RASSF8: variants seen among roughly 807,000 people sequenced by gnomAD.
The protein encoded by RASSF8 is Ras association domain family member 8, also known as ras association domain-containing protein 8.
A neutral mutation model predicts 48.5 loss-of-function variants in RASSF8; 22 were observed. The ratio of observed to expected loss-of-function variants is 0.45; its 90% CI spans 0.32 to 0.65. The LOEUF (loss-of-function observed/expected upper bound fraction) is 0.65. Among genes scored for constraint, RASSF8 ranks in the 30% least tolerant of loss-of-function variants. RASSF8 has a pLI of 0.03. For synonymous variants in RASSF8, 127 were observed against 171.5 expected (o/e 0.74, Z 2.03); for missense variants, 418 against 489.2 (o/e 0.85, Z 1.37).
At position 26,070,086 on chromosome 12, in the gene RASSF8, C is replaced by A. The variant is rs1197843585; in HGVS notation, c.*1268C>A. On this transcript the variant is annotated 3_prime_UTR_variant, in exon 6 of 6. Coordinates refer to ENST00000689635, the MANE Select transcript of RASSF8 (RefSeq NM_001394098.1). ...ACAGATTCAGTCAGACACCACTTAGCCATTTTTACATTCCCTCTGGTTAGA... is the reference window on the plus strand; with the variant it reads ...ACAGATTCAGTCAGACACCACTTAGACATTTTTACATTCCCTCTGGTTAGA... The A allele has an allele frequency of 1.0e-6, 1 of 981,172 alleles. No homozygotes were observed. The highest frequency in any genetic ancestry group is 1.1e-4 in the East Asian group (1 of 8,820). The allele number at this position is 981,172 out of a possible 1,614,324, so 60.8% of individuals were successfully genotyped here. A position where few individuals can be genotyped will look rare whatever the true frequency, so the allele number is the denominator to read the frequency against.
At chr12:25,982,192 A>T (rs1048757040) in intron 1 of RASSF8, among the ~76,000 whole-genome samples, 9 of 152,206 alleles carry the variant, frequency 5.9e-5, no homozygotes, top group Non-Finnish European at 1.3e-4. Flanking sequence ...TGAATGAAAA[A>T]GTTTGAAGTT....
chr12:25,973,977 A>C (rs1278858595), intron 1 of RASSF8: 1 of 152,102 alleles, frequency 6.6e-6, no homozygotes, highest in Non-Finnish European at 1.5e-5. Context: ...CTATGAAGTG[A>C]GGGATGAGAG....
At chr12:25,965,796 T>G (rs1237538477) in intron 1 of RASSF8, among the ~76,000 whole-genome samples, 6 of 152,242 alleles carry the variant, frequency 3.9e-5, no homozygotes, top group African/African-American at 4.8e-5. Flanking sequence ...TATACTTTTT[T>G]TTGTTGTTGA....
chr12:25,989,490 T>C (rs1171861267), intron 1 of RASSF8, among the ~76,000 whole-genome samples: 1 of 152,108 alleles, frequency 6.6e-6, no homozygotes, highest in Non-Finnish European at 1.5e-5. Context: ...TGAAAAAAGC[T>C]CTCTGTTGTG....
At chr12:26,078,129 A>G (rs1944087337) in intron 5 of RASSF8, among the ~76,000 whole-genome samples, 1 of 152,216 alleles carries the variant, frequency 6.6e-6, no homozygotes, top group Admixed American at 6.5e-5. Flanking sequence ...TGTAGTAGAC[A>G]CTGGAGATAT....
At chr12:26,040,916 C>CT (rs1943250604) in intron 2 of RASSF8, among the ~76,000 whole-genome samples, 1 of 147,026 alleles carries the variant, frequency 6.8e-6, no homozygotes, top group South Asian at 2.1e-4. Context: ...GAGACAGAGT[C>CT]TTGCTCTGTC....
chr12:26,018,164 T>G (rs1312920594), intron 2 of RASSF8, among the ~76,000 whole-genome samples: 1 of 152,252 alleles, frequency 6.6e-6, no homozygotes, highest in Non-Finnish European at 1.5e-5. Context: ...CACCAGTTTT[T>G]GTTTACTTTT....
At chr12:26,001,400 T>G (rs1277439522) in intron 2 of RASSF8, among the ~76,000 whole-genome samples, 1 of 152,128 alleles carries the variant, frequency 6.6e-6, no homozygotes, top group Non-Finnish European at 1.5e-5. Context: ...GAAATTAACC[T>G]TAGCTTACTA....
At chr12:26,010,297 C>T (rs540365905) in intron 2 of RASSF8, among the ~76,000 whole-genome samples, 8 of 152,294 alleles carry the variant, frequency 5.3e-5, no homozygotes, top group African/African-American at 1.2e-4. Context: ...GCTTTTTCTC[C>T]GTAGGCAATG....
chr12:25,989,463 C>T (rs188000407), intron 1 of RASSF8, among the ~76,000 whole-genome samples: 76 of 149,562 alleles, frequency 5.1e-4, no homozygotes, highest in Non-Finnish European at 8.7e-4. Context: ...CTTATCAAAA[C>T]GGCGAAGTTG....
chr12:25,979,667 G>A lies in RASSF8; in HGVS notation c.-202-15370G>A, dbSNP rs147128371. Among the ~76,000 whole-genome samples, 355 of 152,220 alleles carry A rather than the reference G, an allele frequency of 2.3e-3. 1 individual carries two copies. The highest frequency in any genetic ancestry group is 8.3e-3 in the African/African-American group (343 of 41,534). On this transcript the variant is annotated intron_variant, in intron 1 of 5. Coordinates refer to ENST00000689635, the MANE Select transcript of RASSF8 (RefSeq NM_001394098.1). ...AGAATAATTTGCCCAAACTCACATA[G>A]GTAAGAAGTGGAGCAGAGCTAGGAT... is the stretch of plus-strand genomic sequence containing the variant.
At chr12:25,960,843 A>G (rs1191888822) in intron 1 of RASSF8, among the ~76,000 whole-genome samples, 1 of 152,188 alleles carries the variant, frequency 6.6e-6, no homozygotes, top group African/African-American at 2.4e-5. Context: ...CAGGCAGGAA[A>G]GGCACTTCAC....
downstream of RASSF8, among the ~76,000 whole-genome samples, chr12:26,074,205 G>T (rs149138327): frequency 6.6e-6 from 1 of 152,158 alleles, no homozygotes. Flanking sequence ...TACGTGTGCT[G>T]TGTCTATTAG....
At chr12:26,079,633 A>G (rs1944100886) in exon 6 of RASSF8, 1 of 152,108 alleles carries the variant, frequency 6.6e-6, no homozygotes, top group South Asian at 2.1e-4. Context: ...AGACATAAAA[A>G]CAGCCAACAG....
chr12:25,968,611 T>A (rs1941412976), intron 1 of RASSF8, among the ~76,000 whole-genome samples: 1 of 152,232 alleles, frequency 6.6e-6, no homozygotes, highest in South Asian at 2.1e-4. Context: ...CCCAAAGTGC[T>A]GGGATTACAG....
intron 2 of RASSF8, among the ~76,000 whole-genome samples, chr12:26,015,426 A>G (rs1182318747): frequency 6.6e-6 from 1 of 152,168 alleles, no homozygotes; most frequent in Admixed American, 6.6e-5. Context: ...TGCTCTCTTC[A>G]GTTTTCTCCT....
intron 2 of RASSF8, among the ~76,000 whole-genome samples, chr12:26,000,831 G>T (rs1459432556): frequency 2.0e-5 from 3 of 152,122 alleles, no homozygotes; most frequent in Admixed American, 2.0e-4. Flanking sequence ...CCTGTATGGG[G>T]TATTGCCTAG....
intron 5 of RASSF8, among the ~76,000 whole-genome samples, chr12:26,078,806 G>A (rs1351581042): frequency 2.6e-5 from 4 of 151,780 alleles, no homozygotes; most frequent in Admixed American, 2.6e-4. Context: ...ATAACCTAAA[G>A]ATATGTATTT....
chr12:25,979,129 T>C (rs1941678668), intron 1 of RASSF8, among the ~76,000 whole-genome samples: 1 of 152,182 alleles, frequency 6.6e-6, no homozygotes, highest in South Asian at 2.1e-4. Flanking sequence ...CCAATCATTC[T>C]TCCAATCACT....
Sources: gnomAD v4.1 joint callset for allele counts (sites outside exome capture counted in the v4.1 genomes callset) on GRCh38, gnomAD v4.1.1 for gene constraint, MANE v1.5 for transcripts, NCBI Gene and HGNC (gene_info 2026-07-23, HGNC 2026-07-21) for gene names.